DLG2: variants seen among roughly 807,000 people sequenced by gnomAD.
DLG2 encodes the protein disks large homolog 2.
A neutral mutation model predicts 132.5 loss-of-function variants in DLG2; 45 were observed. That is an observed-to-expected ratio of 0.34 (90% CI 0.27 to 0.44). The LOEUF (loss-of-function observed/expected upper bound fraction) is 0.44, where lower values mean the gene tolerates loss of function less well. Ranked by LOEUF, DLG2 falls within the 20% of genes least tolerant of loss-of-function variation. DLG2 has a pLI of 1.00. For synonymous variants in DLG2, 424 were observed against 419.6 expected, an observed-to-expected ratio of 1.01 and a Z score of -0.13; for missense variants, 1,045 against 1,196.9, an observed-to-expected ratio of 0.87 and a Z score of 1.87.
intron 6 of DLG2, among the ~76,000 whole-genome samples, chr11:84,818,032 T>C (rs887487831): frequency 1.3e-5 from 2 of 151,992 alleles, no homozygotes; most frequent in East Asian, 1.9e-4. Context: ...ATGATGAATA[T>C]ATGAAAAAAT....
At chr11:83,990,895 T>C (rs548659459) in intron 11 of DLG2, among the ~76,000 whole-genome samples, 1 of 152,158 alleles carries the variant, frequency 6.6e-6, no homozygotes, top group African/African-American at 2.4e-5. Context: ...AAACACAGAA[T>C]CTATCTTGAA....
intron 9 of DLG2, among the ~76,000 whole-genome samples, chr11:84,149,456 C>G (rs2095217002): frequency 6.6e-6 from 1 of 151,978 alleles, no homozygotes; most frequent in African/African-American, 2.4e-5. Context: ...TATCCCAGCA[C>G]CATTAATTGA....
chr11:84,767,356 AAC>A (rs2068579224), intron 6 of DLG2, among the ~76,000 whole-genome samples: 1 of 152,038 alleles, frequency 6.6e-6, no homozygotes. Context: ...CGCAGAAACA[AAC>A]AGTTATTCCA....
intron 4 of DLG2, among the ~76,000 whole-genome samples, chr11:85,250,200 T>A (rs1213352078): frequency 6.6e-6 from 1 of 152,122 alleles, no homozygotes; most frequent in African/African-American, 2.4e-5. Flanking sequence ...AAGTCAAGTA[T>A]CATAAATGCG....
chr11:84,660,692 G>T (rs189618836), intron 6 of DLG2, among the ~76,000 whole-genome samples: 131 of 152,172 alleles, frequency 8.6e-4, no homozygotes, highest in Non-Finnish European at 1.4e-3. Flanking sequence ...TTTGATTTAC[G>T]CATTTTCATA....
intron 16 of DLG2, among the ~76,000 whole-genome samples, chr11:83,861,658 T>C (rs1401209933): frequency 1.3e-5 from 2 of 151,962 alleles, no homozygotes; most frequent in African/African-American, 4.8e-5. Flanking sequence ...ATTCGTGGAA[T>C]CTAAAATTCG....
At chr11:85,464,343 T>C (rs181459293) in intron 3 of DLG2, among the ~76,000 whole-genome samples, 1 of 152,026 alleles carries the variant, frequency 6.6e-6, no homozygotes. Context: ...GAGTTACCAC[T>C]CAGATCAGTT....
chr11:84,613,158 C>T (rs2099598281), intron 6 of DLG2, among the ~76,000 whole-genome samples: 1 of 152,090 alleles, frequency 6.6e-6, no homozygotes, highest in African/African-American at 2.4e-5. Flanking sequence ...ACTATCAGGA[C>T]AACGGCTCTC....
chr11:84,774,297 C>A (rs914480968), intron 6 of DLG2, among the ~76,000 whole-genome samples: 2 of 151,764 alleles, frequency 1.3e-5, no homozygotes, highest in African/African-American at 4.8e-5. Flanking sequence ...CAACAGATGA[C>A]AAAAACGAAT....
chr11:83,952,289 G>A lies in DLG2; in HGVS notation c.1340+10596C>T, dbSNP rs144041201. Among the ~76,000 whole-genome samples, 147 of 152,286 alleles carry A rather than the reference G, an allele frequency of 9.7e-4. 1 individual carries two copies. Among genetic ancestry groups the A allele is most frequent in the Admixed American group, 1.9e-3 (29 of 15,292 alleles). On this transcript the variant is annotated intron_variant, in intron 14 of 27. Transcript: ENST00000376104. ...TGAGCCCCAGGAGGCTGAGGCTGTA[G>A]TGAACTGAGATCGAGCCACTGAACT...
intron 7 of DLG2, among the ~76,000 whole-genome samples, chr11:84,515,214 C>A (rs2099268873): frequency 6.7e-6 from 1 of 150,272 alleles, no homozygotes; most frequent in African/African-American, 2.4e-5. Context: ...CCAGTTATTA[C>A]TTAAATATAA....
At chr11:85,393,179 T>A (rs1286114786) in intron 3 of DLG2, among the ~76,000 whole-genome samples, 1 of 151,944 alleles carries the variant, frequency 6.6e-6, no homozygotes, top group African/African-American at 2.4e-5. Flanking sequence ...AATAAATAAT[T>A]CTCAAAAGAA....
chr11:85,531,548 G>A (rs2075212488), intron 3 of DLG2, among the ~76,000 whole-genome samples: 1 of 152,190 alleles, frequency 6.6e-6, no homozygotes, highest in Admixed American at 6.5e-5. Context: ...TAGACTGATT[G>A]TTGCTACAGG....
chr11:85,532,646 A>G (rs890945941), intron 3 of DLG2, among the ~76,000 whole-genome samples: 1 of 152,224 alleles, frequency 6.6e-6, no homozygotes, highest in Non-Finnish European at 1.5e-5. Flanking sequence ...CAGTGCTGTC[A>G]TATGTCACAT....
At chr11:83,572,143 T>C (rs1266940151) in intron 19 of DLG2, among the ~76,000 whole-genome samples, 1 of 152,112 alleles carries the variant, frequency 6.6e-6, no homozygotes, top group African/African-American at 2.4e-5. Context: ...CATTTTTTAA[T>C]GTTAAAAATA....
At chr11:85,404,473 G>A (rs2088517310) in intron 3 of DLG2, among the ~76,000 whole-genome samples, 1 of 151,932 alleles carries the variant, frequency 6.6e-6, no homozygotes, top group South Asian at 2.1e-4. Flanking sequence ...AGGGAGTAGG[G>A]ATTATAAAAA....
At chr11:85,491,649 C>A (rs974366932) in intron 3 of DLG2, among the ~76,000 whole-genome samples, 16 of 151,916 alleles carry the variant, frequency 1.1e-4, no homozygotes, top group Admixed American at 2.0e-4. Flanking sequence ...AACCTACTTA[C>A]AATAGCTACA....
intron 11 of DLG2, among the ~76,000 whole-genome samples, chr11:84,019,753 C>T (rs2095335037): frequency 6.6e-6 from 1 of 152,146 alleles, no homozygotes; most frequent in Admixed American, 6.6e-5. Context: ...AGTGATTCAT[C>T]CCTAAGCCAC....
intron 3 of DLG2, among the ~76,000 whole-genome samples, chr11:85,374,435 G>C (rs1325071866): frequency 1.3e-5 from 2 of 152,188 alleles, no homozygotes; most frequent in Non-Finnish European, 2.9e-5. Context: ...TCACCAATAT[G>C]AGGTAAAATG....
Sources: gnomAD v4.1 joint callset for allele counts (sites outside exome capture counted in the v4.1 genomes callset) on GRCh38, gnomAD v4.1.1 for gene constraint, MANE v1.5 for transcripts, NCBI Gene and HGNC (gene_info 2026-07-23, HGNC 2026-07-21) for gene names.